ROBO2: variants seen among roughly 807,000 people sequenced by gnomAD.
The protein encoded by ROBO2 is roundabout guidance receptor 2.
ROBO2 carries 53 observed loss-of-function variants against 160.8 expected under a neutral mutation model. That is an observed-to-expected ratio of 0.33 (90% CI 0.26 to 0.41). The LOEUF (loss-of-function observed/expected upper bound fraction) is 0.41, where lower values mean the gene tolerates loss of function less well. Among genes scored for constraint, ROBO2 ranks in the 10% least tolerant of loss-of-function variants. The probability of loss-of-function intolerance (pLI) is 1.00; values close to 1 mark genes in which losing one functional copy is unlikely to be tolerated. For synonymous variants in ROBO2, 664 were observed against 611.7 expected (o/e 1.09, Z -1.26); for missense variants, 1,577 against 1,722.4 (o/e 0.92, Z 1.49).
intron 2 of ROBO2, among the ~76,000 whole-genome samples, chr3:76,815,733 A>G (rs1212042239): frequency 2.0e-5 from 3 of 152,066 alleles, no homozygotes; most frequent in Non-Finnish European, 4.4e-5. Flanking sequence ...AAACATGCAC[A>G]TACCATTTTC....
At chr3:76,481,636 G>T (rs1009625531) in intron 2 of ROBO2, among the ~76,000 whole-genome samples, 1 of 152,130 alleles carries the variant, frequency 6.6e-6, no homozygotes, top group East Asian at 1.9e-4. Context: ...GGTTAGAAAT[G>T]CAAATTCTTG....
chr3:76,894,482 G>A (rs1020522827), intron 2 of ROBO2, among the ~76,000 whole-genome samples: 2 of 152,064 alleles, frequency 1.3e-5, no homozygotes, highest in Non-Finnish European at 2.9e-5. Flanking sequence ...TTCTCATTGT[G>A]ATTATGTAAT....
At chr3:75,961,169 C>G (rs1160066461) in intron 2 of ROBO2, among the ~76,000 whole-genome samples, 1 of 151,488 alleles carries the variant, frequency 6.6e-6, no homozygotes, top group Non-Finnish European at 1.5e-5. Context: ...AGCAAACTAC[C>G]TAGAAAAAGT....
At chr3:76,616,992 A>AG (rs1190864642) in intron 2 of ROBO2, among the ~76,000 whole-genome samples, 1 of 152,114 alleles carries the variant, frequency 6.6e-6, no homozygotes, top group South Asian at 2.1e-4. Context: ...TTAGCTACTC[A>AG]GTCTCCAGTC....
chr3:76,051,245 T>G (rs2067644664), intron 2 of ROBO2, among the ~76,000 whole-genome samples: 1 of 131,766 alleles, frequency 7.6e-6, no homozygotes, highest in African/African-American at 3.2e-5. Flanking sequence ...TTCTATATTT[T>G]AAAAATGAAG....
At chr3:76,108,022 A>T (rs1253568367) in intron 2 of ROBO2, among the ~76,000 whole-genome samples, 2 of 152,078 alleles carry the variant, frequency 1.3e-5, no homozygotes, top group East Asian at 3.9e-4. Flanking sequence ...GCATTTTAGG[A>T]TGTGGTACCT....
intron 2 of ROBO2, among the ~76,000 whole-genome samples, chr3:76,059,579 A>T (rs191012266): frequency 0.021 from 3,120 of 151,918 alleles, 43 homozygotes; most frequent in East Asian, 0.081. Flanking sequence ...GGTAGCAAAA[A>T]TTTTCTCCCA....
chr3:76,793,493 T>A (rs2063497039), intron 2 of ROBO2, among the ~76,000 whole-genome samples: 1 of 151,918 alleles, frequency 6.6e-6, no homozygotes, highest in Admixed American at 6.6e-5. Context: ...GAGGGTAGAA[T>A]GAGCTGATCT....
intron 2 of ROBO2, among the ~76,000 whole-genome samples, chr3:77,033,104 C>G (rs556612892): frequency 6.6e-6 from 1 of 152,238 alleles, no homozygotes; most frequent in African/African-American, 2.4e-5. Flanking sequence ...CTATTGTTAT[C>G]TTTGTTTTAT....
In ROBO2 at chr3:77,295,649, A is replaced by C. The variant is rs570843969; in HGVS notation, c.389-181765A>C. Among the ~76,000 whole-genome samples, 3 of 94,916 alleles carry C rather than the reference A, an allele frequency of 3.2e-5. 1 individual carries two copies. The highest frequency in any genetic ancestry group is 7.9e-5 in the Non-Finnish European group (3 of 38,216). The allele number at this position is 94,916 out of a possible 152,430, so 62.3% of individuals were successfully genotyped here. A position where few individuals can be genotyped will look rare whatever the true frequency, so the allele number is the denominator to read the frequency against. On this transcript the variant is annotated intron_variant, in intron 2 of 25. Transcript: ENST00000461745. ...ACGGTTAAACGGGTAAGCTGAGGCT[A>C]GATCACCCCAGACATAAAGTAAAAT...
chr3:76,939,356 A>G (rs2077995674), intron 2 of ROBO2, among the ~76,000 whole-genome samples: 1 of 152,214 alleles, frequency 6.6e-6, no homozygotes, highest in African/African-American at 2.4e-5. Flanking sequence ...GATTTTTAAC[A>G]TTGGTAAAAC....
chr3:76,235,990 T>G (rs1017244942), intron 2 of ROBO2, among the ~76,000 whole-genome samples: 9 of 152,142 alleles, frequency 5.9e-5, no homozygotes, highest in African/African-American at 2.2e-4. Context: ...GATTGGTAAT[T>G]TCATATGTCA....
At chr3:76,220,343 G>C (rs531574160) in intron 2 of ROBO2, among the ~76,000 whole-genome samples, 2 of 150,348 alleles carry the variant, frequency 1.3e-5, no homozygotes, top group Admixed American at 6.6e-5. Context: ...TAATAAAAGA[G>C]AAAACAAAAA....
At chr3:76,044,478 T>A (rs111944350) in intron 2 of ROBO2, among the ~76,000 whole-genome samples, 16 of 152,188 alleles carry the variant, frequency 1.1e-4, no homozygotes, top group African/African-American at 3.6e-4. Flanking sequence ...TTGTAAAGAT[T>A]TCTGTGAGAA....
At chr3:76,345,032 T>A (rs1375448151) in intron 2 of ROBO2, among the ~76,000 whole-genome samples, 3 of 152,198 alleles carry the variant, frequency 2.0e-5, no homozygotes, top group Non-Finnish European at 4.4e-5. Flanking sequence ...ACTGTGAAGA[T>A]GGCATGCTCT....
At chr3:77,342,783 C>T (rs753799268) in intron 2 of ROBO2, among the ~76,000 whole-genome samples, 4 of 152,090 alleles carry the variant, frequency 2.6e-5, no homozygotes, top group African/African-American at 7.2e-5. Context: ...TGTTGGAGAC[C>T]GTTTTACCTT....
chr3:77,485,174 C>T (rs2085199025), intron 4 of ROBO2, among the ~76,000 whole-genome samples: 8 of 152,084 alleles, frequency 5.3e-5, no homozygotes, highest in Admixed American at 5.2e-4. Flanking sequence ...GTTAACCCCT[C>T]TTTTCAGAAG....
intron 5 of ROBO2, among the ~76,000 whole-genome samples, chr3:77,512,578 C>G (rs1354137597): frequency 6.6e-6 from 1 of 151,834 alleles, no homozygotes; most frequent in South Asian, 2.1e-4. Context: ...GTACAGGGTT[C>G]CATAAGATGA....
intron 1 of ROBO2, among the ~76,000 whole-genome samples, chr3:77,064,488 G>A (rs2066642181): frequency 6.6e-6 from 1 of 151,144 alleles, no homozygotes; most frequent in African/African-American, 2.4e-5. Flanking sequence ...AGCCTCCCAA[G>A]TAGCTGGGAT....
Sources: allele counts gnomAD v4.1 joint callset (sites outside exome capture counted in the v4.1 genomes callset), GRCh38; gene constraint gnomAD v4.1.1; transcripts MANE v1.5; gene names NCBI Gene and HGNC (gene_info 2026-07-23, HGNC 2026-07-21).